CCNYL1: variants seen among roughly 807,000 people sequenced by gnomAD.
CCNYL1 encodes cyclin Y like 1.
In CCNYL1, 16 loss-of-function variants were observed where a neutral mutation model predicts 44.2. The ratio of observed to expected loss-of-function variants is 0.36; its 90% confidence interval spans 0.25 to 0.55. The LOEUF (loss-of-function observed/expected upper bound fraction) is 0.55, where lower values mean the gene tolerates loss of function less well. Among genes scored for constraint, CCNYL1 ranks in the 20% least tolerant of loss-of-function variants. The pLI is 0.85. For missense variants in CCNYL1, 348 were observed against 451.8 expected (o/e 0.77, Z 2.08); for synonymous variants, 159 against 163.2 (o/e 0.97, Z 0.20).
intron 4 of CCNYL1, among the ~76,000 whole-genome samples, chr2:207,735,783 G>C (rs1053004258): frequency 2.6e-5 from 4 of 152,130 alleles, no homozygotes; most frequent in Admixed American, 6.5e-5. Context: ...AGAATAGCTT[G>C]AATCCGGGAA....
chr2:207,715,062 G>A (rs1397541739), intron 1 of CCNYL1, among the ~76,000 whole-genome samples: 1 of 152,182 alleles, frequency 6.6e-6, no homozygotes, highest in Admixed American at 6.5e-5. Context: ...GAGGTCAGGA[G>A]TTCGAGAGCA....
At chr2:207,716,334 CCTCT>C (rs930284405) in intron 1 of CCNYL1, among the ~76,000 whole-genome samples, 1 of 143,562 alleles carries the variant, frequency 7.0e-6, no homozygotes, top group Non-Finnish European at 1.5e-5. Context: ...TATTTTAAGC[CCTCT>C]CTTTTTTTTT....
chr2:207,722,030 T>G (rs953652610), intron 1 of CCNYL1, among the ~76,000 whole-genome samples: 9 of 152,030 alleles, frequency 5.9e-5, no homozygotes, highest in Non-Finnish European at 1.2e-4. Flanking sequence ...TATTTGGCTT[T>G]TTTCTCTATA....
intron 1 of CCNYL1, among the ~76,000 whole-genome samples, chr2:207,721,320 C>G (rs1023608879): frequency 7.2e-5 from 11 of 152,236 alleles, no homozygotes; most frequent in African/African-American, 2.7e-4. Flanking sequence ...TTGCTGCCCT[C>G]TCCCTTTAAT....
chr2:207,747,109 G>A lies in CCNYL1; in HGVS notation c.702G>A (p.Arg234=), dbSNP rs751805496. The A allele has an allele frequency of 8.7e-6, 14 of 1,614,144 alleles. No individual in the cohort carries two copies. The South Asian group carries it at 1.4e-4, about 16-fold the overall frequency. The change falls in exon 8 of 10, where the codon AGG becomes AGA. Residue 234 remains arginine (R), a synonymous_variant. Coordinates refer to ENST00000295414, the MANE Select transcript of CCNYL1 (RefSeq NM_001330218.2). The part of the protein sequence containing the change: ...EIDICPTNWK[R]IVLGAILLAS... ...ACATTTGTCCCACCAACTGGAAAAG[G>A]ATTGTTCTGGGAGCCATTCTTCTTG...
rs187615225 is a variant in CCNYL1 at position 207,713,306 on chromosome 2, G to A, written c.220+1190G>A. 3.7e-4 allele frequency among the ~76,000 whole-genome samples: 56 copies of A among 152,288 alleles called. 1 individual carries two copies. The highest frequency in any genetic ancestry group is 2.0e-3 in the Admixed American group (30 of 15,292). ...TATAAATTTAGACTTAATTTATAAT[G>A]TAATGGTTTGGAAGTTAAAATGCTA... On this transcript the variant is annotated intron_variant, in intron 1 of 9. Transcript: ENST00000295414.
intron 1 of CCNYL1, among the ~76,000 whole-genome samples, chr2:207,712,932 C>T (rs62189188): frequency 0.011 from 1,644 of 152,288 alleles, 19 homozygotes; most frequent in Middle Eastern, 0.041. Context: ...TCCTCTGCCT[C>T]AGCCTCCCGA....
intron 1 of CCNYL1, among the ~76,000 whole-genome samples, chr2:207,716,773 T>C (rs2091599493): frequency 6.6e-6 from 1 of 152,200 alleles, no homozygotes; most frequent in African/African-American, 2.4e-5. Flanking sequence ...TTCAGTTAAA[T>C]CTATGGGTTG....
chr2:207,714,071 TAA>T (rs1671937224), intron 1 of CCNYL1, among the ~76,000 whole-genome samples: 1 of 152,056 alleles, frequency 6.6e-6, no homozygotes, highest in Non-Finnish European at 1.5e-5. Context: ...AATGAAGAAA[TAA>T]AGAGTTAGGT....
rs779932982 is a variant in CCNYL1, at chr2:207,753,758, C to G, written c.*60C>G. 3.8e-6 allele frequency: 4 copies of G among 1,064,454 alleles called. No homozygotes were observed. The highest frequency in any genetic ancestry group is 4.2e-6 in the Non-Finnish European group (3 of 708,700). 65.9% of individuals were successfully genotyped at this position (1,064,454 alleles called of 1,614,324 possible). On this transcript the variant is annotated 3_prime_UTR_variant, in exon 10 of 10. Transcript: ENST00000295414. Reference sequence around the variant, plus strand: ...TTCATCTACAAAGACTGGAGAAATACCACCTTTCCTGCTCAAAAACCAGCA... The same window carrying G: ...TTCATCTACAAAGACTGGAGAAATAGCACCTTTCCTGCTCAAAAACCAGCA...
chr2:207,730,586 C>T (rs1010475601), intron 3 of CCNYL1, among the ~76,000 whole-genome samples: 4 of 151,870 alleles, frequency 2.6e-5, no homozygotes, highest in South Asian at 2.1e-4. Context: ...GTTGAAACTC[C>T]GTTTCTACTA....
At chr2:207,751,854 CAA>C (rs147183127) in intron 9 of CCNYL1, among the ~76,000 whole-genome samples, 18 of 94,512 alleles carry the variant, frequency 1.9e-4, no homozygotes, top group Non-Finnish European at 1.3e-4. Context: ...AACTCCATCT[CAA>C]AAAAAAAAAA....
intron 1 of CCNYL1, among the ~76,000 whole-genome samples, chr2:207,712,983 T>G (rs897074877): frequency 1.3e-5 from 2 of 152,136 alleles, no homozygotes; most frequent in African/African-American, 2.4e-5. Flanking sequence ...GCCCAGCTAA[T>G]TTTTGAATTT....
chr2:207,745,686 C>T (rs1213710782), intron 7 of CCNYL1, among the ~76,000 whole-genome samples: 3 of 152,166 alleles, frequency 2.0e-5, no homozygotes, highest in Non-Finnish European at 2.9e-5. Context: ...CAGTGGCTCA[C>T]GCCTGTAATC....
At chr2:207,724,534 A>G (rs1399554603) in intron 1 of CCNYL1, among the ~76,000 whole-genome samples, 1 of 152,244 alleles carries the variant, frequency 6.6e-6, no homozygotes, top group Non-Finnish European at 1.5e-5. Flanking sequence ...CGTATGATTC[A>G]TCTAACATTT....
chr2:207,729,055 C>T (rs997056887), intron 3 of CCNYL1, among the ~76,000 whole-genome samples: 4 of 151,980 alleles, frequency 2.6e-5, no homozygotes, highest in African/African-American at 9.7e-5. Flanking sequence ...CCTCGGCGTC[C>T]CAAAGTGTTG....
chr2:207,721,088 T>C (rs1484212317), intron 1 of CCNYL1, among the ~76,000 whole-genome samples: 1 of 152,082 alleles, frequency 6.6e-6, no homozygotes, highest in Non-Finnish European at 1.5e-5. Context: ...TACATCATAG[T>C]TGAGAGGTTT....
chr2:207,748,801 C>A (rs763369780), intron 8 of CCNYL1, among the ~76,000 whole-genome samples: 108 of 152,226 alleles, frequency 7.1e-4, no homozygotes, highest in Non-Finnish European at 1.3e-3. Context: ...AAGTTGACCA[C>A]TTTACTGTTT....
rs113724218 is a variant in CCNYL1 at position 207,718,503 on chromosome 2, CA to C, written c.221-6284del. Reference sequence around the variant, plus strand: ...AGCCTGGGTGACAGTGAGACTGTCTCAAAAAAAAAAAAAGATCAGACTAGCT... The same window carrying C: ...AGCCTGGGTGACAGTGAGACTGTCTCAAAAAAAAAAAAGATCAGACTAGCT... On this transcript the variant is annotated intron_variant, in intron 1 of 9. Coordinates refer to ENST00000295414, the MANE Select transcript of CCNYL1 (RefSeq NM_001330218.2). Among the ~76,000 whole-genome samples, 952 of 117,970 alleles carry C rather than the reference CA, an allele frequency of 8.1e-3. 8 individuals carry two copies. The highest frequency in any genetic ancestry group is 0.023 in the African/African-American group (736 of 32,010). 77.4% of individuals were successfully genotyped at this position (117,970 alleles called of 152,430 possible). A position where few individuals can be genotyped will look rare whatever the true frequency, so the allele number is the denominator to read the frequency against.
Sources: gnomAD v4.1 joint callset for allele counts (sites outside exome capture counted in the v4.1 genomes callset) on GRCh38, gnomAD v4.1.1 for gene constraint, MANE v1.5 for transcripts, NCBI Gene and HGNC (gene_info 2026-07-23, HGNC 2026-07-21) for gene names.